Variants in KIZ observed in about 807,000 individuals in gnomAD.
KIZ encodes kizuna centrosomal protein.
Under a neutral mutation model 79.6 loss-of-function variants are expected in KIZ, and 68 were observed. The ratio of observed to expected loss-of-function variants is 0.85; its 90% CI spans 0.70 to 1.05. The LOEUF (loss-of-function observed/expected upper bound fraction) is 1.05. Ranked by LOEUF, KIZ falls within the 50% of genes least tolerant of loss-of-function variation. The pLI is 0.00. For missense variants in KIZ, 797 were observed against 800.4 expected, an observed-to-expected ratio of 1.00 and a Z score of 0.05; for synonymous variants, 280 against 281.8, an observed-to-expected ratio of 0.99 and a Z score of 0.06.
intron 6 of KIZ, among the ~76,000 whole-genome samples, chr20:21,165,573 A>T (rs1428950556): frequency 1.3e-5 from 2 of 152,310 alleles, no homozygotes; most frequent in Non-Finnish European, 2.9e-5. Flanking sequence ...TGACAGCATT[A>T]GTTCATTAGG....
chr20:21,136,902 A>G (rs2032223344), intron 3 of KIZ, among the ~76,000 whole-genome samples: 1 of 152,184 alleles, frequency 6.6e-6, no homozygotes, highest in Non-Finnish European at 1.5e-5. Context: ...TCTGTGAATT[A>G]CCATGTGGCT....
chr20:21,166,649 G>A, intron 6 of KIZ: 3 of 792,806 alleles, frequency 3.8e-6, no homozygotes, highest in Admixed American at 2.3e-5. Context: ...GGAGAGACTT[G>A]GTTTCTCCAT....
intron 11 of KIZ, among the ~76,000 whole-genome samples, chr20:21,243,334 A>G (rs897368746): frequency 6.6e-6 from 1 of 152,144 alleles, no homozygotes; most frequent in Non-Finnish European, 1.5e-5. Context: ...TTATAGCAAA[A>G]CGTAGATTTT....
At position 21,217,082 on chromosome 20, in the gene KIZ, A is replaced by G. The variant is rs142793349; in HGVS notation, c.1678+1434A>G. Reference sequence around the variant, plus strand: ...TCCAGCAACCTGCCATTGATCCATCAATAGTTGGCAGTTAAAAAAAATGCC... The same window carrying G: ...TCCAGCAACCTGCCATTGATCCATCGATAGTTGGCAGTTAAAAAAAATGCC... On this transcript the variant is annotated intron_variant, in intron 9 of 12. Transcript: ENST00000619189. 9.1e-3 allele frequency among the ~76,000 whole-genome samples: 1,393 copies of G among 152,332 alleles called. 8 individuals carry two copies. Among genetic ancestry groups the G allele is most frequent in the Non-Finnish European group, 0.016 (1,074 of 68,036 alleles).
intron 7 of KIZ, among the ~76,000 whole-genome samples, chr20:21,211,376 A>T (rs2036060844): frequency 6.6e-6 from 1 of 152,054 alleles, no homozygotes; most frequent in African/African-American, 2.4e-5. Context: ...GCTCCTGGGG[A>T]GGCTGAAAAG....
intron 10 of KIZ, among the ~76,000 whole-genome samples, chr20:21,231,453 A>G (rs1294990871): frequency 6.6e-6 from 1 of 152,226 alleles, no homozygotes; most frequent in Non-Finnish European, 1.5e-5. Flanking sequence ...TAATTTATTC[A>G]TAAGTGAAAT....
chr20:21,157,071 C>A (rs1370118058), intron 4 of KIZ, among the ~76,000 whole-genome samples: 1 of 151,860 alleles, frequency 6.6e-6, no homozygotes, highest in Non-Finnish European at 1.5e-5. Context: ...CCACCCTGGG[C>A]AACATAGACC....
chr20:21,130,203 CT>C (rs1415872666), intron 1 of KIZ, among the ~76,000 whole-genome samples: 1 of 152,202 alleles, frequency 6.6e-6, no homozygotes, highest in African/African-American at 2.4e-5. Flanking sequence ...ATTCCTCAGT[CT>C]TTCCCTGTCT....
At chr20:21,163,226 C>CCAGTGG in intron 6 of KIZ, 67 bp downstream of exon 6, 1 of 1,070,612 alleles carries the variant, frequency 9.3e-7, no homozygotes, top group Non-Finnish European at 1.4e-6. Flanking sequence ...GAGACCATTC[C>CCAGTGG]ACTGGGAATG....
intron 1 of KIZ, among the ~76,000 whole-genome samples, chr20:21,126,796 A>C (rs1400426922): frequency 6.6e-6 from 1 of 152,194 alleles, no homozygotes; most frequent in Non-Finnish European, 1.5e-5. Context: ...TTTGATTAAG[A>C]TATGAAAGAT....
At chr20:21,239,199 C>G (rs1398972776) in intron 11 of KIZ, among the ~76,000 whole-genome samples, 1 of 152,230 alleles carries the variant, frequency 6.6e-6, no homozygotes, top group African/African-American at 2.4e-5. Context: ...AGGTAGGGAA[C>G]TTGCCCAGGA....
chr20:21,178,832 T>C lies in KIZ; in HGVS notation c.1352+15673T>C, dbSNP rs2034538043. On this transcript the variant is annotated intron_variant, in intron 6 of 12. Transcript: ENST00000619189. ...TATTCTGTGTCTATTAAGATGGTCA[T>C]GTGATTTTTATCTTTCATTCTGTTA... Among the ~76,000 whole-genome samples, 4 of 152,312 alleles carry C rather than the reference T, an allele frequency of 2.6e-5. No individual in the cohort carries two copies. The South Asian group carries it at 8.3e-4, about 32-fold the overall frequency.
rs1377375651 is a variant in KIZ, at chr20:21,163,079, C to G, written c.1272C>G (p.Ser424=). The change falls in exon 6 of 13, where the codon TCC becomes TCG. Residue 424 remains serine (S), a synonymous_variant. Transcript: ENST00000619189. ...CTGAGCAAGAAAGAGTTGCCCTATCCACTGAAAAAAATTGTATTTTGCAAA... is the reference window on the plus strand; with the variant it reads ...CTGAGCAAGAAAGAGTTGCCCTATCGACTGAAAAAAATTGTATTTTGCAAA... ...IHAEQERVAL[S]TEKNCILQTL... is the part of the protein sequence containing the mutation. The G allele has an allele frequency of 6.2e-7, 1 of 1,613,570 alleles. No individual in the cohort carries two copies. The highest frequency in any genetic ancestry group is 2.2e-5 in the East Asian group (1 of 44,876).
chr20:21,180,308 C>A, intron 6 of KIZ, among the ~76,000 whole-genome samples: 1 of 150,418 alleles, frequency 6.6e-6, no homozygotes, highest in East Asian at 2.0e-4. Flanking sequence ...CAACTCTTTT[C>A]CTAGAATTTT....
In KIZ at chr20:21,163,006, G is replaced by A. The variant is rs760383931; in HGVS notation, c.1199G>A (p.Gly400Asp). 5.2e-5 allele frequency: 84 copies of A among 1,613,794 alleles called. No homozygotes were observed. The highest frequency in any genetic ancestry group is 6.8e-5 in the Non-Finnish European group (80 of 1,179,852). ...ESPEPQPNPGGKMEGEDGIEA... is the reference protein window; with the variant it reads ...ESPEPQPNPGDKMEGEDGIEA... ...CCAGAACCACAGCCAAATCCAGGTG[G>A]CAAGATGGAGGGAGAAGATGGAATA... The change falls in exon 6 of 13, where the codon GGC (glycine) becomes GAC (aspartate). Residue 400 changes from glycine to aspartate, a missense_variant. Physicochemically the swap from Gly to Asp is moderately conservative, Grantham distance 94. Coordinates refer to ENST00000619189, the MANE Select transcript of KIZ (RefSeq NM_018474.6).
chr20:21,235,949 A>T (rs911963692), intron 11 of KIZ, among the ~76,000 whole-genome samples: 2 of 152,266 alleles, frequency 1.3e-5, no homozygotes, highest in African/African-American at 4.8e-5. Context: ...AGGAACCAAT[A>T]GTCCAGTGAA....
At chr20:21,148,684 G>A (rs890717191) in intron 4 of KIZ, 1 of 152,204 alleles carries the variant, frequency 6.6e-6, no homozygotes, top group African/African-American at 2.4e-5. Flanking sequence ...ACATAAAAAT[G>A]TATGTCCTCA....
chr20:21,140,430 A>G (rs1239822597), intron 3 of KIZ, among the ~76,000 whole-genome samples: 2 of 152,210 alleles, frequency 1.3e-5, no homozygotes, highest in African/African-American at 4.8e-5. Context: ...ACTGATACCA[A>G]GTGACTTTCT....
At chr20:21,172,464 G>A (rs2034251721) in intron 6 of KIZ, among the ~76,000 whole-genome samples, 2 of 152,110 alleles carry the variant, frequency 1.3e-5, no homozygotes, top group Admixed American at 6.6e-5. Flanking sequence ...AATTAGCCAG[G>A]TGTGGTGGCG....
Sources: allele counts gnomAD v4.1 joint callset (sites outside exome capture counted in the v4.1 genomes callset), GRCh38; gene constraint gnomAD v4.1.1; transcripts MANE v1.5; gene names NCBI Gene and HGNC (gene_info 2026-07-23, HGNC 2026-07-21).